Variants in TRPS1 observed in about 807,000 individuals in gnomAD.
The protein encoded by TRPS1 is zinc finger transcription factor Trps1.
In TRPS1, 6 loss-of-function variants were observed where a neutral mutation model predicts 101.2. The observed-to-expected ratio is 0.06, with a 90% CI of 0.03 to 0.12. The LOEUF is 0.12. TRPS1 is among the 10% of genes least tolerant of loss of function. The pLI, the probability that TRPS1 is intolerant of heterozygous loss-of-function variation, is 1.00. For synonymous variants in TRPS1, 578 were observed against 589.8 expected (o/e 0.98, Z 0.29); for missense variants, 1,363 against 1,567.0 (o/e 0.87, Z 2.20).
At chr8:115,524,319 C>CTTTT (rs139406462) in intron 5 of TRPS1, among the ~76,000 whole-genome samples, 12 of 70,720 alleles carry the variant, frequency 1.7e-4, no homozygotes, top group Non-Finnish European at 2.2e-4. Context: ...CTTCTTCTTC[C>CTTTT]TTTTTTTTTT....
At chr8:115,483,282 C>T (rs1028181118) in intron 5 of TRPS1, among the ~76,000 whole-genome samples, 1 of 151,998 alleles carries the variant, frequency 6.6e-6, no homozygotes, top group African/African-American at 2.4e-5. Context: ...CTTATAATCC[C>T]AGCACTTTGG....
chr8:115,665,071 T>C (rs1303712744), intron 1 of TRPS1, among the ~76,000 whole-genome samples: 1 of 152,184 alleles, frequency 6.6e-6, no homozygotes, highest in Non-Finnish European at 1.5e-5. Context: ...TGTTACATTA[T>C]TGTTGCTATC....
intron 2 of TRPS1, among the ~76,000 whole-genome samples, chr8:115,621,204 G>A (rs1265183764): frequency 2.6e-5 from 4 of 152,186 alleles, no homozygotes; most frequent in African/African-American, 9.6e-5. Context: ...ACTGGGTTCC[G>A]TGGCTGCTGT....
At chr8:115,641,252 T>C (rs993095438) in intron 1 of TRPS1, among the ~76,000 whole-genome samples, 10 of 152,216 alleles carry the variant, frequency 6.6e-5, no homozygotes, top group African/African-American at 2.4e-4. Flanking sequence ...TACTCATCTG[T>C]GACATGTACT....
intron 5 of TRPS1, among the ~76,000 whole-genome samples, chr8:115,558,064 C>G (rs1816865044): frequency 6.7e-6 from 1 of 149,598 alleles, no homozygotes; most frequent in Non-Finnish European, 1.5e-5. Context: ...GAGGACAGTT[C>G]TAAGCTCAAT....
At chr8:115,611,028 A>G (rs1247195105) in intron 3 of TRPS1, among the ~76,000 whole-genome samples, 2 of 151,838 alleles carry the variant, frequency 1.3e-5, no homozygotes, top group Non-Finnish European at 2.9e-5. Flanking sequence ...GAGGTGGGAG[A>G]ATCGCTTGAG....
chr8:115,655,444 T>C (rs906427476), intron 1 of TRPS1, among the ~76,000 whole-genome samples: 7 of 152,170 alleles, frequency 4.6e-5, no homozygotes, highest in South Asian at 2.1e-4. Context: ...CCAGCTCTTA[T>C]GGTGAAATCA....
At chr8:115,575,460 C>T (rs962262826) in intron 5 of TRPS1, among the ~76,000 whole-genome samples, 2 of 152,084 alleles carry the variant, frequency 1.3e-5, no homozygotes, top group Non-Finnish European at 1.5e-5. Flanking sequence ...GAAGTAAATA[C>T]ATTAAAAACG....
At chr8:115,498,243 G>A (rs901108445) in intron 5 of TRPS1, among the ~76,000 whole-genome samples, 7 of 151,800 alleles carry the variant, frequency 4.6e-5, no homozygotes, top group African/African-American at 1.4e-4. Flanking sequence ...GCCGGGCAAA[G>A]TGGTGTGCAC....
rs187851154 is a variant in TRPS1 at position 115,505,466 on chromosome 8, C to T, written c.2700+81535G>A. 8.5e-3 allele frequency among the ~76,000 whole-genome samples: 1,295 copies of T among 152,204 alleles called. 30 individuals carry two copies. The highest frequency in any genetic ancestry group is 0.051 in the Admixed American group (782 of 15,272). Reference sequence around the variant, plus strand: ...TTTTCATGTTTGAGACAACCACACACTTCACCAGTTTTTTAAGATGTCACA... The same window carrying T: ...TTTTCATGTTTGAGACAACCACACATTTCACCAGTTTTTTAAGATGTCACA... On this transcript the variant is annotated intron_variant, in intron 5 of 6. Coordinates refer to ENST00000395715, the MANE Select transcript of TRPS1 (RefSeq NM_014112.5).
intron 5 of TRPS1, among the ~76,000 whole-genome samples, chr8:115,576,727 T>C (rs1423865022): frequency 6.6e-6 from 1 of 152,182 alleles, no homozygotes; most frequent in Admixed American, 6.6e-5. Flanking sequence ...GGAGCATACC[T>C]ACCTCCAAAC....
intron 3 of TRPS1, among the ~76,000 whole-genome samples, chr8:115,611,979 T>C (rs964883636): frequency 1.3e-5 from 2 of 151,558 alleles, no homozygotes; most frequent in Non-Finnish European, 2.9e-5. Flanking sequence ...ACAGAAGTAG[T>C]CCCATACTTG....
At chr8:115,488,676 A>C (rs1814947898) in intron 5 of TRPS1, among the ~76,000 whole-genome samples, 1 of 152,200 alleles carries the variant, frequency 6.6e-6, no homozygotes, top group South Asian at 2.1e-4. Flanking sequence ...TCCGTCAAAA[A>C]CAAAAACCAA....
chr8:115,626,377 T>C (rs1818509632), intron 1 of TRPS1, among the ~76,000 whole-genome samples: 1 of 151,762 alleles, frequency 6.6e-6, no homozygotes, highest in Admixed American at 6.6e-5. Flanking sequence ...AAGAGAACAT[T>C]GTTTATCCAA....
intron 4 of TRPS1, among the ~76,000 whole-genome samples, chr8:115,594,025 AC>A (rs1380647746): frequency 6.6e-6 from 1 of 152,142 alleles, no homozygotes; most frequent in African/African-American, 2.4e-5. Context: ...CTGCTTAATA[AC>A]AAAGAAATGG....
At chr8:115,597,418 A>T (rs1817811687) in intron 4 of TRPS1, among the ~76,000 whole-genome samples, 2 of 151,994 alleles carry the variant, frequency 1.3e-5, no homozygotes. Context: ...ATTTCATTGC[A>T]CTGAGTCAAA....
intron 4 of TRPS1, among the ~76,000 whole-genome samples, chr8:115,589,642 C>T (rs185226874): frequency 6.6e-6 from 1 of 152,242 alleles, no homozygotes; most frequent in East Asian, 1.9e-4. Context: ...TTAATTCCCT[C>T]AAGTGGAAAC....
chr8:115,655,378 G>A (rs1811654970), intron 1 of TRPS1, among the ~76,000 whole-genome samples: 1 of 152,098 alleles, frequency 6.6e-6, no homozygotes, highest in East Asian at 1.9e-4. Flanking sequence ...TCCTTTTGTG[G>A]GAAGCTGAAC....
intron 5 of TRPS1, among the ~76,000 whole-genome samples, chr8:115,467,061 G>A (rs1321307595): frequency 1.3e-5 from 2 of 151,940 alleles, no homozygotes; most frequent in African/African-American, 4.8e-5. Context: ...TTGGAAGCAA[G>A]GTTTGAATTT....
Sources: gnomAD v4.1 joint callset for allele counts (sites outside exome capture counted in the v4.1 genomes callset) on GRCh38, gnomAD v4.1.1 for gene constraint, MANE v1.5 for transcripts, NCBI Gene and HGNC (gene_info 2026-07-23, HGNC 2026-07-21) for gene names.